PRSS33: variants seen among roughly 807,000 people sequenced by gnomAD.
PRSS33 encodes the protein serine protease 33.
In PRSS33, 32 loss-of-function variants were observed where a neutral mutation model predicts 26.7. That is an observed-to-expected ratio of 1.20 (90% CI 0.90 to 1.61). The LOEUF (loss-of-function observed/expected upper bound fraction) is 1.61. Ranked by LOEUF, PRSS33 falls within the 40% of genes most tolerant of loss-of-function variation. The pLI, the probability that PRSS33 is intolerant of heterozygous loss-of-function variation, is 0.00. For missense variants in PRSS33, 450 were observed against 396.3 expected (o/e 1.14, Z -1.15); for synonymous variants, 192 against 177.6 (o/e 1.08, Z -0.64).
chr16:2,786,632 A>G (rs2068877331), intron 1 of PRSS33, 28 bp from the exon 2 acceptor site: 25 of 1,511,796 alleles, frequency 1.7e-5, no homozygotes, highest in Non-Finnish European at 2.3e-5. Context: ...AAGAGAGGAG[A>G]GTCCTGGCCC....
intron 6 of PRSS33, 75 bp from the exon 7 acceptor site, chr16:2,784,877 G>A (rs967861035): frequency 6.6e-7 from 1 of 1,525,876 alleles, no homozygotes; most frequent in Non-Finnish European, 8.9e-7. Context: ...CCCTGGCGTG[G>A]TGCCTCTAGG....
Position 2,785,441 on chromosome 16 carries a change from GCA to G in PRSS33, c.446_447del (p.Val149AlafsTer58). 1 of 1,488,120 alleles carries G rather than the reference GCA, an allele frequency of 6.7e-7. No homozygotes were observed. The highest frequency in any genetic ancestry group is 8.9e-7 in the Non-Finnish European group (1 of 1,129,412). 92.2% of individuals were successfully genotyped at this position (1,488,120 alleles called of 1,614,324 possible). The stretch of plus-strand genomic sequence containing the variant: ...GTGCCGGGCGGCGGGCGGGCGCCGG[GCA>G]CGGGCAGGCAGACGGGTTGGACGCG... ...SARVQPVCLPVPGARPPPGTP... is the reference protein window; with the variant it reads ...SARVQPVCLPXPGARPPPGTP... On this transcript the variant is annotated frameshift_variant, in exon 5 of 7. Transcript: ENST00000682474. LOFTEE classifies it high-confidence loss of function.
At chr16:2,785,328 G>T (rs767837680) in intron 5 of PRSS33, 47 bp downstream of exon 5, 17 of 1,458,202 alleles carry the variant, frequency 1.2e-5, no homozygotes, top group Non-Finnish European at 1.5e-5. Context: ...GATGGAGGAG[G>T]ACGTGGGGGC....
rs1275060811 is a variant in PRSS33 at position 2,785,200 on chromosome 16, G to C, written c.515-29C>G. 13 of 1,520,332 alleles carry C rather than the reference G, an allele frequency of 8.6e-6. No homozygotes were observed. The South Asian group carries it at 1.3e-4, about 16-fold the overall frequency. 94.2% of individuals were successfully genotyped at this position (1,520,332 alleles called of 1,614,324 possible). On this transcript the variant is annotated intron_variant, in intron 5 of 6. Coordinates refer to ENST00000682474, the MANE Select transcript of PRSS33 (RefSeq NM_152891.3). Reference sequence around the variant, plus strand: ...GGGGAAGAGGAGGGACCTCTGAGAGGAAGGCGTGGAGCGGGGGCCAGTGGG... The same window carrying C: ...GGGGAAGAGGAGGGACCTCTGAGAGCAAGGCGTGGAGCGGGGGCCAGTGGG...
At position 2,786,624 on chromosome 16, in the gene PRSS33, G is replaced by A. The variant is rs2068877262; in HGVS notation, c.-57-20C>T. ...TCTGGTCTGGAGCCAGCAGGGAGAA[G>A]AGAGGAGAGTCCTGGCCCAGGGGCA... On this transcript the variant is annotated intron_variant, in intron 1 of 6. Coordinates refer to ENST00000682474, the MANE Select transcript of PRSS33 (RefSeq NM_152891.3). The A allele has an allele frequency of 6.4e-7, 1 of 1,552,164 alleles. No individual in the cohort carries two copies. The highest frequency in any genetic ancestry group is 8.8e-7 in the Non-Finnish European group (1 of 1,131,362).
Position 2,785,008 on chromosome 16 carries a change from G to T in PRSS33, c.678C>A (p.Ala226=). Residue 226 remains alanine, a synonymous_variant, in exon 6 of 7, where the codon GCC becomes GCA. Coordinates refer to ENST00000682474, the MANE Select transcript of PRSS33 (RefSeq NM_152891.3). The part of the protein sequence containing the change: ...CAGYPQGHKD[A]CQGDSGGPLT... ...GGGGAGGCTGGGTGCACACCTGGCA[G>T]GCGTCCTTGTGGCCCTGGGGGTAGC... 6.3e-7 allele frequency: 1 copy of T among 1,597,420 alleles called. No individual in the cohort carries two copies.
In PRSS33 at chr16:2,785,098, G is replaced by C. The variant is rs1012144607; in HGVS notation, c.588C>G (p.Leu196=). ...PLLDSRTCDG[L]YHVGADVPQA... Reference sequence around the variant, plus strand: ...GGGGCACGTCCGCGCCCACGTGGTAGAGGCCGTCGCAGGTGCGCGAGTCCA... The same window carrying C: ...GGGGCACGTCCGCGCCCACGTGGTACAGGCCGTCGCAGGTGCGCGAGTCCA... The change falls in exon 6 of 7, where the codon CTC becomes CTG. Residue 196 remains leucine, a synonymous_variant. Coordinates refer to ENST00000682474, the MANE Select transcript of PRSS33 (RefSeq NM_152891.3). 3 of 1,554,228 alleles carry C rather than the reference G, an allele frequency of 1.9e-6. No homozygotes were observed. In the African/African-American group the frequency reaches 4.1e-5, roughly 21 times the overall value.
chr16:2,785,749 G>T (rs762464075), intron 4 of PRSS33, 50 bp downstream of exon 4: 8 of 1,522,364 alleles, frequency 5.3e-6, no homozygotes, highest in Non-Finnish European at 7.0e-6. Context: ...GGTCCTCTGC[G>T]GGCCTTGCCT....
In PRSS33 at chr16:2,785,080, G is replaced by T; in HGVS notation, c.606C>A (p.Asp202Glu). The T allele has an allele frequency of 1.9e-6, 3 of 1,566,022 alleles. 1 individual carries two copies. Among genetic ancestry groups the T allele is most frequent in the East Asian group, 4.7e-5 (2 of 42,548 alleles). ...GCACAATGCGCTCAGCCTGGGGCACGTCCGCGCCCACGTGGTAGAGGCCGT... is the reference window on the plus strand; with the variant it reads ...GCACAATGCGCTCAGCCTGGGGCACTTCCGCGCCCACGTGGTAGAGGCCGT... The part of the protein sequence containing the change: ...TCDGLYHVGA[D>E]VPQAERIVLP... Residue 202 changes from aspartate (D) to glutamate (E), a missense_variant, in exon 6 of 7, where the codon GAC becomes GAA. Physicochemically the swap from Asp to Glu is conservative, Grantham distance 45 (BLOSUM62 2). Transcript: ENST00000682474.
Position 2,785,852 on chromosome 16 carries a change from C to T in PRSS33, c.189G>A (p.Gly63=), listed in dbSNP as rs762235212. 8 of 1,608,448 alleles carry T rather than the reference C, an allele frequency of 5.0e-6. No individual in the cohort carries two copies. Among genetic ancestry groups the T allele is most frequent in the Non-Finnish European group, 5.9e-6 (7 of 1,178,816 alleles). ...CCCACTGGGGGGCGATGAGCGACCC[C>T]CCGCACACGTGTGCCCCACGATGCT... ...SIQHRGAHVC[G]GSLIAPQWVL... Residue 63 remains glycine (G), a synonymous_variant, in exon 4 of 7, where the codon GGG becomes GGA. Transcript: ENST00000682474.
At chr16:2,785,222 TGG>T (rs755866079) in intron 5 of PRSS33, 51 bp from the exon 6 acceptor site, 1 of 1,484,930 alleles carries the variant, frequency 6.7e-7, no homozygotes, top group Non-Finnish European at 9.0e-7. Flanking sequence ...CGGGGGCCAG[TGG>T]GAGAAGCTGA....
In PRSS33 at chr16:2,784,553, G is replaced by T; in HGVS notation, c.*91C>A. 1 of 1,322,640 alleles carries T rather than the reference G, an allele frequency of 7.6e-7. No individual in the cohort carries two copies. Among genetic ancestry groups the T allele is most frequent in the Non-Finnish European group, 1.0e-6 (1 of 981,078 alleles). The allele number at this position is 1,322,640 out of a possible 1,614,324, so 81.9% of individuals were successfully genotyped here. A position where few individuals can be genotyped will look rare whatever the true frequency, so the allele number is the denominator to read the frequency against. On this transcript the variant is annotated 3_prime_UTR_variant, in exon 7 of 7. Transcript: ENST00000682474. ...TTTTAGGCATCTTGGCCTCGAGGCA[G>T]AAGGGATGTGGGGTATAGGCAGGTG... is the stretch of plus-strand genomic sequence containing the variant.
upstream of PRSS33, chr16:2,787,857 A>C (rs2068895171): frequency 6.6e-6 from 1 of 152,030 alleles, no homozygotes. Flanking sequence ...TCCTCTCCAA[A>C]CCTGACCTGG....
rs758405790 is a variant in PRSS33 at position 2,785,979 on chromosome 16, G to A, written c.80-18C>T. ...CCCGCAGGCTAGAAAAGGACCAGGG[G>A]CGGTGAGGGTTGGCTGAGGACCTGG... On this transcript the variant is annotated intron_variant, in intron 3 of 6. Transcript: ENST00000682474. The A allele has an allele frequency of 5.1e-5, 82 of 1,612,940 alleles. No homozygotes were observed. Among genetic ancestry groups the A allele is most frequent in the Non-Finnish European group, 6.5e-5 (77 of 1,179,946 alleles).
chr16:2,786,002 T>C (rs983555762), intron 3 of PRSS33, 41 bp from the exon 4 acceptor site: 15 of 1,612,766 alleles, frequency 9.3e-6, no homozygotes, highest in African/African-American at 2.7e-5. Context: ...GCTGAGGACC[T>C]GGGGCCTGGG....
intron 3 of PRSS33, 27 bp from the exon 4 acceptor site, chr16:2,785,988 G>A: frequency 3.1e-6 from 5 of 1,613,142 alleles, no homozygotes; most frequent in Non-Finnish European, 4.2e-6. Flanking sequence ...GGCGGTGAGG[G>A]TTGGCTGAGG....
At chr16:2,785,291 G>C in intron 5 of PRSS33, 84 bp downstream of exon 5, 1 of 1,443,346 alleles carries the variant, frequency 6.9e-7, no homozygotes, top group Non-Finnish European at 9.2e-7. Context: ...CTGGATTGGG[G>C]CAGTGAGGGG....
At position 2,784,540 on chromosome 16, in the gene PRSS33, T is replaced by G; in HGVS notation, c.*104A>C. ...TGGCCTTTAGCTTTTTTAGGCATCT[T>G]GGCCTCGAGGCAGAAGGGATGTGGG... On this transcript the variant is annotated 3_prime_UTR_variant, in exon 7 of 7. Transcript: ENST00000682474. 8.4e-7 allele frequency: 1 copy of G among 1,191,224 alleles called. No homozygotes were observed. Among genetic ancestry groups the G allele is most frequent in the Non-Finnish European group, 1.2e-6 (1 of 868,908 alleles). The allele number at this position is 1,191,224 out of a possible 1,614,324, so 73.8% of individuals were successfully genotyped here.
In PRSS33 at chr16:2,784,075, G is replaced by A. The variant is rs1767446198; in HGVS notation, c.*569C>T. 6.6e-6 allele frequency: 1 copy of A among 152,326 alleles called. No homozygotes were observed. 9.4% of individuals were successfully genotyped at this position (152,326 alleles called of 1,614,324 possible). ...GATTGGCCGGCGGGGCTCTTATCTG[G>A]AGGCTGGGGAAGAACTTACTTCCCA... On this transcript the variant is annotated 3_prime_UTR_variant, in exon 7 of 7. Coordinates refer to ENST00000682474, the MANE Select transcript of PRSS33 (RefSeq NM_152891.3).
Sources: allele counts gnomAD v4.1 joint callset, GRCh38; gene constraint gnomAD v4.1.1; transcripts MANE v1.5; gene names NCBI Gene and HGNC (gene_info 2026-07-23, HGNC 2026-07-21).